SCAF8: variants seen among roughly 807,000 people sequenced by gnomAD.
SCAF8 encodes the protein SR-related CTD associated factor 8.
Under a neutral mutation model 140.5 loss-of-function variants are expected in SCAF8, and 23 were observed. The ratio of observed to expected loss-of-function variants is 0.16; its 90% confidence interval spans 0.12 to 0.23. SCAF8 has a LOEUF of 0.23. Ranked by LOEUF, SCAF8 falls within the 10% of genes least tolerant of loss-of-function variation. SCAF8 has a pLI of 1.00. For synonymous variants in SCAF8, 575 were observed against 528.9 expected (o/e 1.09, Z -1.20); for missense variants, 1,397 against 1,555.7 (o/e 0.90, Z 1.72).
At chr6:154,797,418 C>T (rs960258672) in intron 6 of SCAF8, among the ~76,000 whole-genome samples, 1 of 150,808 alleles carries the variant, frequency 6.6e-6, no homozygotes, top group East Asian at 1.9e-4. Flanking sequence ...TCTTTTGAGA[C>T]GGAGTCTCGC....
chr6:154,815,064 G>A (rs767073896), intron 12 of SCAF8, among the ~76,000 whole-genome samples: 1 of 152,174 alleles, frequency 6.6e-6, no homozygotes, highest in Non-Finnish European at 1.5e-5. Flanking sequence ...TTGGGAGGCC[G>A]AGGCGGACAG....
intron 3 of SCAF8, 33 bp from the exon 4 acceptor site, chr6:154,787,828 T>C (rs780844245): frequency 6.4e-7 from 1 of 1,569,032 alleles, no homozygotes; most frequent in Non-Finnish European, 8.7e-7. Context: ...CCTTTCCGTT[T>C]CCTTTCCTTT....
At chr6:154,818,320 T>C (rs1007932946) in intron 13 of SCAF8, among the ~76,000 whole-genome samples, 159 bp from the exon 14 acceptor site, 3 of 152,250 alleles carry the variant, frequency 2.0e-5, no homozygotes, top group Admixed American at 6.5e-5. Flanking sequence ...GAATTGTACC[T>C]ACTAATAAAC....
At chr6:154,778,622 G>T (rs951862000) in intron 3 of SCAF8, among the ~76,000 whole-genome samples, 1 of 152,048 alleles carries the variant, frequency 6.6e-6, no homozygotes, top group African/African-American at 2.4e-5. Context: ...AAAATTAGCT[G>T]ACCTGGTAGT....
chr6:154,770,759 G>A (rs972227548), intron 1 of SCAF8, among the ~76,000 whole-genome samples: 2 of 152,052 alleles, frequency 1.3e-5, no homozygotes, highest in African/African-American at 2.4e-5. Context: ...TGTTGTTGTT[G>A]TTTTGACACA....
intron 1 of SCAF8, among the ~76,000 whole-genome samples, chr6:154,750,785 C>T (rs1216663590): frequency 1.3e-5 from 2 of 152,200 alleles, no homozygotes; most frequent in African/African-American, 4.8e-5. Flanking sequence ...AAGACTCCAT[C>T]ATTAGATATA....
chr6:154,832,596 A>G lies in SCAF8; in HGVS notation c.3017A>G (p.Asp1006Gly). 1 of 1,614,180 alleles carries G rather than the reference A, an allele frequency of 6.2e-7. No individual in the cohort carries two copies. The highest frequency in any genetic ancestry group is 8.5e-7 in the Non-Finnish European group (1 of 1,180,016). Residue 1006 changes from aspartate (D) to glycine (G), a missense_variant, in exon 20 of 20, where the codon GAT (aspartate) becomes GGT (glycine). By Grantham distance (94) the Asp-to-Gly change is moderately conservative. Coordinates refer to ENST00000367178, the MANE Select transcript of SCAF8 (RefSeq NM_014892.5). ...NPEKRIPLGN[D>G]NIQQEGDRDY... ...GAAAAAAGGATACCACTTGGGAATG[A>G]TAACATTCAACAGGAAGGAGATAGA...
chr6:154,803,597 C>A lies in SCAF8; in HGVS notation c.837C>A (p.Pro279=). The change falls in exon 8 of 20, where the codon CCC becomes CCA. Residue 279 remains proline, a synonymous_variant. Transcript: ENST00000367178. ...AAGACTCTGAGCATAGTGAAGAACC[C>A]AAAAAGGAAATTCCAGCTTCACAAC... The part of the protein sequence containing the change: ...FGEDSEHSEE[P]KKEIPASQLS... 6.2e-7 allele frequency: 1 copy of A among 1,611,344 alleles called. No individual in the cohort carries two copies.
chr6:154,768,264 T>G (rs1312039096), intron 1 of SCAF8, among the ~76,000 whole-genome samples: 1 of 152,228 alleles, frequency 6.6e-6, no homozygotes, highest in Admixed American at 6.5e-5. Flanking sequence ...GTCATGACTT[T>G]GCTTCTTGAG....
At chr6:154,784,132 TA>T (rs1777172704) in intron 3 of SCAF8, among the ~76,000 whole-genome samples, 3 of 74,104 alleles carry the variant, frequency 4.0e-5, no homozygotes, top group African/African-American at 2.9e-4. Context: ...TATATATATA[TA>T]TATATATATA....
At chr6:154,738,300 A>G (rs546189023) in intron 1 of SCAF8, among the ~76,000 whole-genome samples, 29 of 152,272 alleles carry the variant, frequency 1.9e-4, no homozygotes, top group African/African-American at 6.0e-4. Context: ...CAAGATATGT[A>G]TGAGTTGTTT....
Position 154,756,857 on chromosome 6 carries a change from G to A in SCAF8, c.31-17132G>A, listed in dbSNP as rs574248287. On this transcript the variant is annotated intron_variant, in intron 1 of 19. Transcript: ENST00000367178. ...CAGCCTGGACAACATAACGAAACCC[G>A]TCTCTACAAGAAATACAAAAATTAG... 5.3e-5 allele frequency among the ~76,000 whole-genome samples: 8 copies of A among 152,012 alleles called. No homozygotes were observed. In the South Asian group the frequency reaches 1.5e-3, roughly 28 times the overall value.
chr6:154,790,489 ATTTTT>A (rs57095332), intron 4 of SCAF8, among the ~76,000 whole-genome samples: 29 of 70,876 alleles, frequency 4.1e-4, no homozygotes, highest in Middle Eastern at 0.012. Context: ...ATTTAACAGA[ATTTTT>A]TTTTTTTTTT....
At chr6:154,831,181 T>C in intron 19 of SCAF8, 41 bp downstream of exon 19, 1 of 1,258,440 alleles carries the variant, frequency 7.9e-7, no homozygotes, top group Non-Finnish European at 1.1e-6. Context: ...AGGTTGCCTC[T>C]CTGTATTTGG....
At position 154,795,156 on chromosome 6, in the gene SCAF8, T is replaced by TTA; in HGVS notation, c.606+21_606+22dup. The stretch of plus-strand genomic sequence containing the variant: ...GGCCAGCAGGTGAGCGGTTTTTCTG[T>TTA]TATATCAAGAATAATTTAGAATTTA... On this transcript the variant is annotated intron_variant, in intron 6 of 19. Coordinates refer to ENST00000367178, the MANE Select transcript of SCAF8 (RefSeq NM_014892.5). 1 of 1,404,606 alleles carries TTA rather than the reference T, an allele frequency of 7.1e-7. No individual in the cohort carries two copies. Among genetic ancestry groups the TTA allele is most frequent in the Non-Finnish European group, 9.8e-7 (1 of 1,024,102 alleles). The allele number at this position is 1,404,606 out of a possible 1,614,324, so 87.0% of individuals were successfully genotyped here.
intron 12 of SCAF8, among the ~76,000 whole-genome samples, chr6:154,811,179 T>G (rs3778509): frequency 0.61 from 91,983 of 151,988 alleles, 30,543 homozygotes; most frequent in East Asian, 0.91. Context: ...CTTAGGGTGA[T>G]GGTATACATC....
Position 154,798,720 on chromosome 6 carries a change from A to G in SCAF8, c.607-3251A>G, listed in dbSNP as rs188449561. On this transcript the variant is annotated intron_variant, in intron 6 of 19. Coordinates refer to ENST00000367178, the MANE Select transcript of SCAF8 (RefSeq NM_014892.5). ...TACTTCAGGTAGCATGACCCTTTAA[A>G]TACCTGAGAGTTCATGCAACTCCTC... Among the ~76,000 whole-genome samples, 6 of 151,500 alleles carry G rather than the reference A, an allele frequency of 4.0e-5. No homozygotes were observed. In the East Asian group the frequency reaches 1.2e-3, roughly 29 times the overall value.
At chr6:154,752,643 T>G (rs1302120686) in intron 1 of SCAF8, among the ~76,000 whole-genome samples, 1 of 152,238 alleles carries the variant, frequency 6.6e-6, no homozygotes, top group African/African-American at 2.4e-5. Context: ...TGTGCTAGAT[T>G]ATGTTCAGCA....
Position 154,805,350 on chromosome 6 carries a change from C to G in SCAF8, c.864-19C>G, listed in dbSNP as rs774270244. The G allele has an allele frequency of 7.1e-7, 1 of 1,409,758 alleles. No homozygotes were observed. The highest frequency in any genetic ancestry group is 1.2e-5 in the South Asian group (1 of 84,932). 87.3% of individuals were successfully genotyped at this position (1,409,758 alleles called of 1,614,324 possible). On this transcript the variant is annotated intron_variant, in intron 8 of 19. Coordinates refer to ENST00000367178, the MANE Select transcript of SCAF8 (RefSeq NM_014892.5). ...TTTAGTGGGTTTTAAAATATGTTTC[C>G]ACCTGTTTTTCCTTTTAGTTCTCAC...
Sources: gnomAD v4.1 joint callset for allele counts (sites outside exome capture counted in the v4.1 genomes callset) on GRCh38, gnomAD v4.1.1 for gene constraint, MANE v1.5 for transcripts, NCBI Gene and HGNC (gene_info 2026-07-23, HGNC 2026-07-21) for gene names.